The following PTPRN2 variants were observed in gnomAD, a reference collection of about 807,000 sequenced individuals.
The protein encoded by PTPRN2 is protein tyrosine phosphatase receptor type N2, also known as receptor-type tyrosine-protein phosphatase N2.
Under a neutral mutation model 118.8 loss-of-function variants are expected in PTPRN2, and 74 were observed. That is an observed-to-expected ratio of 0.62 (90% CI 0.52 to 0.76). PTPRN2 has a LOEUF of 0.76. PTPRN2 is among the 30% of genes least tolerant of loss of function. The pLI is 0.00. For synonymous variants in PTPRN2, 641 were observed against 608.0 expected, an observed-to-expected ratio of 1.05 and a Z score of -0.80; for missense variants, 1,481 against 1,394.4, an observed-to-expected ratio of 1.06 and a Z score of -0.99.
intron 11 of PTPRN2, among the ~76,000 whole-genome samples, chr7:157,996,026 C>A (rs1804700866): frequency 6.6e-6 from 1 of 152,128 alleles, no homozygotes; most frequent in Non-Finnish European, 1.5e-5. Context: ...GTCTGTTGCA[C>A]ACAATGGAAT....
intron 17 of PTPRN2, among the ~76,000 whole-genome samples, chr7:157,588,983 C>T (rs1355511352): frequency 2.0e-5 from 3 of 152,080 alleles, no homozygotes; most frequent in Non-Finnish European, 2.9e-5. Flanking sequence ...TATAATTTAC[C>T]GTTTGTAAGT....
At chr7:158,128,729 C>T (rs1011977071) in intron 9 of PTPRN2, among the ~76,000 whole-genome samples, 7 of 152,126 alleles carry the variant, frequency 4.6e-5, no homozygotes, top group Admixed American at 4.6e-4. Flanking sequence ...CGGGTGAACA[C>T]CTCGGCATCC....
At chr7:158,083,303 TCTA>T (rs1411132754) in intron 10 of PTPRN2, among the ~76,000 whole-genome samples, 5 of 152,148 alleles carry the variant, frequency 3.3e-5, no homozygotes, top group African/African-American at 1.2e-4. Flanking sequence ...TGAATGGTTT[TCTA>T]AAATTAAGAG....
intron 1 of PTPRN2, among the ~76,000 whole-genome samples, chr7:158,569,767 G>A (rs1206681778): frequency 3.1e-5 from 4 of 129,830 alleles, no homozygotes; most frequent in Non-Finnish European, 6.6e-5. Flanking sequence ...CTGACTGACA[G>A]GAACGCGGGG....
intron 2 of PTPRN2, among the ~76,000 whole-genome samples, chr7:158,462,761 G>T (rs572931615): frequency 6.6e-6 from 1 of 152,146 alleles, no homozygotes; most frequent in African/African-American, 2.4e-5. Context: ...CTCACAGTCC[G>T]CAAAACTACA....
At chr7:158,267,142 GT>G (rs1369091039) in intron 3 of PTPRN2, among the ~76,000 whole-genome samples, 1 of 152,240 alleles carries the variant, frequency 6.6e-6, no homozygotes, top group Admixed American at 6.5e-5. Flanking sequence ...ATCTAGAAAT[GT>G]TGACACTTTG....
chr7:158,369,249 T>TTATATA (rs770252182), intron 2 of PTPRN2, among the ~76,000 whole-genome samples: 1,637 of 143,910 alleles, frequency 0.011, 29 homozygotes, highest in African/African-American at 0.039. Context: ...AAACTCCCCT[T>TTATATA]TATATATATA....
chr7:158,487,132 A>G (rs1436709194), intron 2 of PTPRN2, among the ~76,000 whole-genome samples: 2 of 152,216 alleles, frequency 1.3e-5, no homozygotes, highest in Non-Finnish European at 2.9e-5. Context: ...GCTGCGTACT[A>G]TTCCATCATG....
At chr7:158,321,337 T>C (rs1802999616) in intron 2 of PTPRN2, among the ~76,000 whole-genome samples, 1 of 152,174 alleles carries the variant, frequency 6.6e-6, no homozygotes, top group Admixed American at 6.5e-5. Context: ...CTTCGTGTTC[T>C]TGGGACACAG....
At chr7:157,734,309 T>TTC (rs1368736227) in intron 12 of PTPRN2, among the ~76,000 whole-genome samples, 2 of 146,688 alleles carry the variant, frequency 1.4e-5, no homozygotes, top group Admixed American at 6.7e-5. Flanking sequence ...CAGTTACTCT[T>TTC]CCGTCCCATG....
chr7:158,359,816 A>T (rs1808710360), intron 2 of PTPRN2, among the ~76,000 whole-genome samples: 1 of 152,166 alleles, frequency 6.6e-6, no homozygotes, highest in Admixed American at 6.5e-5. Flanking sequence ...ATGCCTGAAG[A>T]AGGCATTCCT....
rs570067475 is a variant in PTPRN2, at chr7:158,329,543, T to G, written c.164-12611A>C. The stretch of plus-strand genomic sequence containing the variant: ...AGGACACGTGAGGAGGCACCGTCGA[T>G]GAGCCAGGAGGGGACTCGCCAGACA... On this transcript the variant is annotated intron_variant, in intron 2 of 22. Transcript: ENST00000389418. 4.0e-4 allele frequency among the ~76,000 whole-genome samples: 61 copies of G among 152,272 alleles called. No individual in the cohort carries two copies. The South Asian group carries it at 0.01, about 26-fold the overall frequency.
intron 3 of PTPRN2, among the ~76,000 whole-genome samples, chr7:158,208,459 A>G (rs1017512036): frequency 1.3e-5 from 2 of 152,230 alleles, no homozygotes; most frequent in Non-Finnish European, 2.9e-5. Flanking sequence ...CTGGCAGCAG[A>G]CTTTTCAGTG....
At chr7:157,757,675 T>A (rs1801875735) in intron 12 of PTPRN2, among the ~76,000 whole-genome samples, 1 of 148,640 alleles carries the variant, frequency 6.7e-6, no homozygotes, top group South Asian at 2.2e-4. Flanking sequence ...AGATACAAGT[T>A]TTTTTTTTTA....
At chr7:158,423,646 G>A (rs1815454702) in intron 2 of PTPRN2, among the ~76,000 whole-genome samples, 1 of 152,002 alleles carries the variant, frequency 6.6e-6, no homozygotes, top group Non-Finnish European at 1.5e-5. Flanking sequence ...CGATTCTCCT[G>A]CCTCAGCCTC....
Position 157,591,384 on chromosome 7 carries a change from T to G in PTPRN2, c.2496+3854A>C, listed in dbSNP as rs567959793. 1.4e-4 allele frequency among the ~76,000 whole-genome samples: 21 copies of G among 152,306 alleles called. No homozygotes were observed. Among genetic ancestry groups the G allele is most frequent in the African/African-American group, 4.8e-4 (20 of 41,570 alleles). ...AGGTGCTTTGGGATGATCCATAACCTTCAGTCTGTGTCCCGATCCTTGGTC... is the reference window on the plus strand; with the variant it reads ...AGGTGCTTTGGGATGATCCATAACCGTCAGTCTGTGTCCCGATCCTTGGTC... On this transcript the variant is annotated intron_variant, in intron 17 of 22. Transcript: ENST00000389418. This position sits in a 1 kb window ranked among gnomAD's most constrained non-coding sequence, Gnocchi z 4.4.
At chr7:158,487,365 C>T (rs1195338285) in intron 2 of PTPRN2, among the ~76,000 whole-genome samples, 1 of 152,194 alleles carries the variant, frequency 6.6e-6, no homozygotes, top group Non-Finnish European at 1.5e-5. Context: ...TTTCCCTCAG[C>T]AACGACGCCA....
chr7:157,689,672 C>T (rs557361177), intron 12 of PTPRN2, among the ~76,000 whole-genome samples: 4 of 152,354 alleles, frequency 2.6e-5, no homozygotes, highest in African/African-American at 9.6e-5. Flanking sequence ...GTCCCTCGTT[C>T]CAACAGCTTC....
intron 11 of PTPRN2, among the ~76,000 whole-genome samples, chr7:157,920,760 T>G (rs1277922292): frequency 9.2e-5 from 14 of 152,060 alleles, no homozygotes; most frequent in Admixed American, 9.2e-4. Context: ...CCCTATACCC[T>G]CCACAGAAAT....
Sources: gnomAD v4.1 joint callset for allele counts (sites outside exome capture counted in the v4.1 genomes callset) on GRCh38, gnomAD v4.1.1 for gene constraint, Gnocchi (gnomAD v3.1) non-coding constraint, MANE v1.5 for transcripts, NCBI Gene and HGNC (gene_info 2026-07-23, HGNC 2026-07-21) for gene names.